AP2B1: variants seen among roughly 807,000 people sequenced by gnomAD.
The protein encoded by AP2B1 is AP-2 complex subunit beta.
Under a neutral mutation model 102.0 loss-of-function variants are expected in AP2B1, and 23 were observed. The observed-to-expected ratio is 0.23, with a 90% CI of 0.16 to 0.32. The LOEUF (loss-of-function observed/expected upper bound fraction) is 0.32. AP2B1 is among the 10% of genes least tolerant of loss of function. The pLI is 1.00. For synonymous variants in AP2B1, 381 were observed against 421.2 expected, an observed-to-expected ratio of 0.90 and a Z score of 1.17; for missense variants, 541 against 1,157.4, an observed-to-expected ratio of 0.47 and a Z score of 7.73.
chr17:35,608,116 C>T, intron 4 of AP2B1, 26 bp from the exon 5 acceptor site: 1 of 1,611,578 alleles, frequency 6.2e-7, no homozygotes, highest in Non-Finnish European at 8.5e-7. Context: ...TGTATACCTA[C>T]AGTTGTTGGT....
chr17:35,700,645 A>G (rs1598321686), intron 18 of AP2B1, among the ~76,000 whole-genome samples: 1 of 152,248 alleles, frequency 6.6e-6, no homozygotes, highest in East Asian at 1.9e-4. Flanking sequence ...ACCTTTTTAT[A>G]GTACTTTTGA....
intron 14 of AP2B1, among the ~76,000 whole-genome samples, chr17:35,667,721 T>C (rs2075497265): frequency 6.6e-6 from 1 of 152,190 alleles, no homozygotes; most frequent in Non-Finnish European, 1.5e-5. Flanking sequence ...TCCTTTCCAA[T>C]GTGTTTTTCT....
chr17:35,676,430 A>T (rs2075703245), intron 17 of AP2B1, among the ~76,000 whole-genome samples: 1 of 152,146 alleles, frequency 6.6e-6, no homozygotes, highest in Non-Finnish European at 1.5e-5. Flanking sequence ...AATGCTTTTG[A>T]AATGTGTATA....
At chr17:35,634,328 T>A (rs1485454959) in intron 9 of AP2B1, among the ~76,000 whole-genome samples, 1 of 152,230 alleles carries the variant, frequency 6.6e-6, no homozygotes, top group Non-Finnish European at 1.5e-5. Context: ...TAATTAAATC[T>A]AGAGGCTTGG....
chr17:35,677,559 T>G (rs1163636236), intron 17 of AP2B1, among the ~76,000 whole-genome samples: 1 of 152,210 alleles, frequency 6.6e-6, no homozygotes, highest in Non-Finnish European at 1.5e-5. Context: ...CAACTTTTTT[T>G]CTTTTCAAAG....
chr17:35,673,536 C>T (rs1257734779), intron 16 of AP2B1, among the ~76,000 whole-genome samples: 2 of 152,090 alleles, frequency 1.3e-5, no homozygotes, highest in Non-Finnish European at 2.9e-5. Context: ...AGGTATACCA[C>T]AGGTTCCAGG....
chr17:35,592,597 C>T (rs1489619819), intron 1 of AP2B1, among the ~76,000 whole-genome samples: 1 of 152,124 alleles, frequency 6.6e-6, no homozygotes, highest in Non-Finnish European at 1.5e-5. Flanking sequence ...GGCTGGAGTG[C>T]AGTGGCGTGA....
intron 5 of AP2B1, among the ~76,000 whole-genome samples, chr17:35,615,415 T>G (rs912514318): frequency 6.6e-6 from 1 of 152,202 alleles, no homozygotes; most frequent in African/African-American, 2.4e-5. Flanking sequence ...TGTTATAATC[T>G]TCATTTAGGC....
At chr17:35,627,780 T>A in intron 9 of AP2B1, 54 bp downstream of exon 9, 4 of 1,407,454 alleles carry the variant, frequency 2.8e-6, no homozygotes, top group Non-Finnish European at 3.9e-6. Context: ...AGAGTTCTCT[T>A]CACTTTTTTC....
At chr17:35,630,873 T>A (rs1043232636) in intron 9 of AP2B1, among the ~76,000 whole-genome samples, 1 of 152,096 alleles carries the variant, frequency 6.6e-6, no homozygotes, top group Non-Finnish European at 1.5e-5. Context: ...TTACCCAGAT[T>A]TACCTTAGAA....
intron 6 of AP2B1, 25 bp downstream of exon 6, chr17:35,624,612 T>G (rs776560708): frequency 6.3e-7 from 1 of 1,599,760 alleles, no homozygotes. Flanking sequence ...CTGGCTACTT[T>G]CTGGTAGTCT....
At chr17:35,705,226 G>A (rs587692995) in intron 18 of AP2B1, among the ~76,000 whole-genome samples, 2 of 152,202 alleles carry the variant, frequency 1.3e-5, no homozygotes, top group Admixed American at 1.3e-4. Context: ...TATGAGAGCT[G>A]CAAAATACAG....
chr17:35,610,082 G>T (rs1477868601), intron 5 of AP2B1, among the ~76,000 whole-genome samples: 2 of 152,102 alleles, frequency 1.3e-5, no homozygotes, highest in African/African-American at 2.4e-5. Context: ...ATCACCACCA[G>T]TACTAGAAGA....
At chr17:35,721,917 A>C (rs587753861) in intron 21 of AP2B1, among the ~76,000 whole-genome samples, 3 of 152,284 alleles carry the variant, frequency 2.0e-5, no homozygotes, top group Admixed American at 1.3e-4. Flanking sequence ...CAACACTGGC[A>C]GTAGAGAAGG....
At chr17:35,653,674 C>T (rs2075145752) in intron 13 of AP2B1, among the ~76,000 whole-genome samples, 1 of 152,116 alleles carries the variant, frequency 6.6e-6, no homozygotes, top group African/African-American at 2.4e-5. Flanking sequence ...TAGGGTTTCA[C>T]CATGTTATCC....
At chr17:35,620,157 T>A (rs1255387990) in intron 5 of AP2B1, among the ~76,000 whole-genome samples, 1 of 152,102 alleles carries the variant, frequency 6.6e-6, no homozygotes, top group East Asian at 1.9e-4. Context: ...TAAATCAACT[T>A]GTGCTGAGGA....
intron 12 of AP2B1, among the ~76,000 whole-genome samples, chr17:35,645,145 T>A (rs1297871165): frequency 1.3e-5 from 2 of 152,206 alleles, no homozygotes; most frequent in African/African-American, 4.8e-5. Flanking sequence ...TATTTATGGC[T>A]AGTGAGTACC....
At chr17:35,713,410 A>G (rs2076490498) in intron 20 of AP2B1, among the ~76,000 whole-genome samples, 1 of 152,124 alleles carries the variant, frequency 6.6e-6, no homozygotes, top group African/African-American at 2.4e-5. Flanking sequence ...AATCCTTTCC[A>G]GCTCTTCCTT....
intron 18 of AP2B1, among the ~76,000 whole-genome samples, chr17:35,684,323 T>A (rs977925492): frequency 3.3e-4 from 50 of 152,204 alleles, no homozygotes; most frequent in Non-Finnish European, 2.9e-5. Context: ...TTTAAAATGA[T>A]GAAAGAAAAA....
Sources: allele counts gnomAD v4.1 joint callset (sites outside exome capture counted in the v4.1 genomes callset), GRCh38; gene constraint gnomAD v4.1.1; transcripts MANE v1.5; gene names NCBI Gene and HGNC (gene_info 2026-07-23, HGNC 2026-07-21).